The following MCHR2 variants were observed in gnomAD, a reference collection of about 807,000 sequenced individuals.
MCHR2 encodes melanin-concentrating hormone receptor 2.
MCHR2 carries 15 observed loss-of-function variants against 24.8 expected under a neutral mutation model. The observed-to-expected ratio is 0.60, with a 90% CI of 0.40 to 0.93. MCHR2 has a LOEUF of 0.93. Ranked by LOEUF, MCHR2 falls within the 40% of genes least tolerant of loss-of-function variation. The pLI is 0.00. For synonymous variants in MCHR2, 151 were observed against 147.6 expected (o/e 1.02, Z -0.17); for missense variants, 386 against 408.7 (o/e 0.94, Z 0.48).
intron 1 of MCHR2, among the ~76,000 whole-genome samples, chr6:99,967,102 G>T (rs937454461): frequency 6.6e-6 from 1 of 151,246 alleles, no homozygotes; most frequent in Non-Finnish European, 1.5e-5. Flanking sequence ...CTTGAAATAT[G>T]ACCCCAGAAA....
At position 99,955,916 on chromosome 6, in the gene MCHR2, AG is replaced by A. The variant is rs746689034; in HGVS notation, c.182+49del. On this transcript the variant is annotated intron_variant, in intron 2 of 5. Transcript: ENST00000281806. ...GACTCATTTAGGGAGCTTTGACTGTAGTTTCCTAAAGTATGGAAGGAAAAAA... is the reference window on the plus strand; with the variant it reads ...GACTCATTTAGGGAGCTTTGACTGTATTTCCTAAAGTATGGAAGGAAAAAA... 6.8e-5 allele frequency: 95 copies of A among 1,396,842 alleles called. 1 individual carries two copies. The African/African-American group carries it at 1.2e-3, about 18-fold the overall frequency. The allele number at this position is 1,396,842 out of a possible 1,614,324, so 86.5% of individuals were successfully genotyped here. A position where few individuals can be genotyped will look rare whatever the true frequency, so the allele number is the denominator to read the frequency against.
At chr6:99,925,411 A>G (rs1774329764) in intron 5 of MCHR2, among the ~76,000 whole-genome samples, 1 of 152,120 alleles carries the variant, frequency 6.6e-6, no homozygotes, top group Non-Finnish European at 1.5e-5. Context: ...TATTATTGAT[A>G]AGCAAGGACT....
rs955067055 is a variant in MCHR2 at position 99,955,883 on chromosome 6, G to A, written c.182+83C>T. 2.6e-6 allele frequency: 3 copies of A among 1,132,686 alleles called. No homozygotes were observed. The Admixed American group carries it at 9.0e-5, about 34-fold the overall frequency. 70.2% of individuals were successfully genotyped at this position (1,132,686 alleles called of 1,614,324 possible). ...GCATTTCATTAAGCAAAATGCTACA[G>A]GGGAAAGGACTCATTTAGGGAGCTT... On this transcript the variant is annotated intron_variant, in intron 2 of 5. Coordinates refer to ENST00000281806, the MANE Select transcript of MCHR2 (RefSeq NM_001040179.2).
chr6:99,941,240 CT>C (rs112421841), intron 4 of MCHR2, among the ~76,000 whole-genome samples: 97 of 120,630 alleles, frequency 8.0e-4, no homozygotes, highest in African/African-American at 2.1e-3. Context: ...GGCTTGGAGG[CT>C]TTTTTTTTTT....
intron 1 of MCHR2, among the ~76,000 whole-genome samples, chr6:99,972,947 T>A (rs900567586): frequency 6.6e-6 from 1 of 152,198 alleles, no homozygotes; most frequent in Non-Finnish European, 1.5e-5. Context: ...TAATTTCTGT[T>A]CTTTTACATT....
chr6:99,952,265 A>G (rs1167273958), intron 2 of MCHR2, among the ~76,000 whole-genome samples: 1 of 152,128 alleles, frequency 6.6e-6, no homozygotes, highest in African/African-American at 2.4e-5. Context: ...ATCAGGCCTC[A>G]TTATTTTATA....
At chr6:99,932,803 C>T (rs952096281) in intron 5 of MCHR2, among the ~76,000 whole-genome samples, 6 of 152,056 alleles carry the variant, frequency 3.9e-5, no homozygotes, top group Non-Finnish European at 7.4e-5. Flanking sequence ...ATCCAATGTG[C>T]TATTCTGGAT....
chr6:99,977,014 G>C (rs1175779947), intron 1 of MCHR2, among the ~76,000 whole-genome samples: 1 of 152,096 alleles, frequency 6.6e-6, no homozygotes, highest in Non-Finnish European at 1.5e-5. Context: ...ATTTTCTTTT[G>C]ACTTCATTTT....
At chr6:99,993,356 G>A (rs1022538908) in intron 1 of MCHR2, among the ~76,000 whole-genome samples, 6 of 152,214 alleles carry the variant, frequency 3.9e-5, no homozygotes, top group Non-Finnish European at 7.3e-5. Flanking sequence ...CCGTGCAGGA[G>A]TCCTGTGACA....
intron 1 of MCHR2, among the ~76,000 whole-genome samples, chr6:99,970,495 C>G (rs1329823543): frequency 6.6e-6 from 1 of 151,982 alleles, no homozygotes; most frequent in African/African-American, 2.4e-5. Context: ...CGAAAATTTT[C>G]TCCCATTTTG....
intron 1 of MCHR2, among the ~76,000 whole-genome samples, chr6:99,976,735 A>G (rs1288854331): frequency 6.6e-6 from 1 of 151,914 alleles, no homozygotes; most frequent in African/African-American, 2.4e-5. Context: ...TCACCTTCTG[A>G]CACCTGCTTT....
At chr6:99,929,892 T>C (rs1054322681) in intron 5 of MCHR2, among the ~76,000 whole-genome samples, 60 of 150,220 alleles carry the variant, frequency 4.0e-4, no homozygotes, top group African/African-American at 1.3e-3. Context: ...TGATGTTAGC[T>C]GGTTATTTTG....
intron 1 of MCHR2, among the ~76,000 whole-genome samples, chr6:99,979,027 T>C (rs545770357): frequency 6.6e-6 from 1 of 152,118 alleles, no homozygotes; most frequent in African/African-American, 2.4e-5. Flanking sequence ...CACATCCAAG[T>C]GGTAGGAGGT....
intron 1 of MCHR2, among the ~76,000 whole-genome samples, chr6:99,973,685 G>A (rs1775485125): frequency 6.6e-6 from 1 of 152,136 alleles, no homozygotes; most frequent in Non-Finnish European, 1.5e-5. Flanking sequence ...GCATGTTTTT[G>A]CAGTGGCTGG....
chr6:99,948,824 A>G (rs1378031961), intron 2 of MCHR2, among the ~76,000 whole-genome samples: 1 of 152,152 alleles, frequency 6.6e-6, no homozygotes, highest in Non-Finnish European at 1.5e-5. Context: ...GGCCATTGTT[A>G]AGATTTCAAC....
intron 1 of MCHR2, among the ~76,000 whole-genome samples, chr6:99,967,145 A>T (rs1775309735): frequency 1.3e-5 from 2 of 148,508 alleles, no homozygotes; most frequent in South Asian, 4.4e-4. Flanking sequence ...TTTTGGTAGC[A>T]AGATTGTTTT....
intron 2 of MCHR2, among the ~76,000 whole-genome samples, chr6:99,953,799 G>T (rs1051312504): frequency 2.6e-5 from 4 of 151,924 alleles, no homozygotes; most frequent in Non-Finnish European, 5.9e-5. Context: ...AATTTAAAAT[G>T]CTTGATATTC....
At chr6:99,925,750 T>C (rs1293597259) in intron 5 of MCHR2, among the ~76,000 whole-genome samples, 4 of 151,928 alleles carry the variant, frequency 2.6e-5, no homozygotes, top group Non-Finnish European at 4.4e-5. Flanking sequence ...GTATATCTTA[T>C]TGTATTATCT....
At chr6:99,968,530 T>G (rs1185885979) in intron 1 of MCHR2, among the ~76,000 whole-genome samples, 5 of 152,126 alleles carry the variant, frequency 3.3e-5, no homozygotes, top group African/African-American at 1.2e-4. Flanking sequence ...CAGAAAAGAC[T>G]AATGGAGTTT....
Sources: gnomAD v4.1 joint callset for allele counts (sites outside exome capture counted in the v4.1 genomes callset) on GRCh38, gnomAD v4.1.1 for gene constraint, MANE v1.5 for transcripts, NCBI Gene and HGNC (gene_info 2026-07-23, HGNC 2026-07-21) for gene names.